Variants in VPS13B observed in about 807,000 individuals in gnomAD.
VPS13B encodes intermembrane lipid transfer protein VPS13B.
VPS13B carries 285 observed loss-of-function variants against 426.4 expected under a neutral mutation model. That is an observed-to-expected ratio of 0.67 (90% CI 0.61 to 0.74). The LOEUF is 0.74. VPS13B is among the 30% of genes least tolerant of loss of function. The pLI is 0.00. For synonymous variants in VPS13B, 1,676 were observed against 1,676.4 expected, an observed-to-expected ratio of 1.00 and a Z score of 0.01; for missense variants, 4,537 against 4,782.6, an observed-to-expected ratio of 0.95 and a Z score of 1.51.
intron 35 of VPS13B, among the ~76,000 whole-genome samples, chr8:99,667,640 G>C (rs774960517): frequency 4.6e-5 from 7 of 152,100 alleles, no homozygotes; most frequent in Non-Finnish European, 7.4e-5. Flanking sequence ...TAAGCAATTT[G>C]TGATTTAGAG....
chr8:99,821,635 C>T (rs1362890769), intron 50 of VPS13B, among the ~76,000 whole-genome samples, 153 bp downstream of exon 50: 1 of 152,126 alleles, frequency 6.6e-6, no homozygotes, highest in African/African-American at 2.4e-5. Flanking sequence ...CTTCTTAGAC[C>T]TCTGTTTTAC....
At chr8:99,312,610 T>G (rs1435586876) in intron 19 of VPS13B, among the ~76,000 whole-genome samples, 4 of 152,182 alleles carry the variant, frequency 2.6e-5, no homozygotes, top group Admixed American at 2.6e-4. Context: ...CATTTTTTCC[T>G]TCATTTCAAC....
In VPS13B at chr8:99,290,128, C is replaced by T. The variant is rs368709781; in HGVS notation, c.2824+14874C>T. 8.2e-4 allele frequency among the ~76,000 whole-genome samples: 125 copies of T among 152,024 alleles called. 1 individual carries two copies. The highest frequency in any genetic ancestry group is 7.5e-3 in the South Asian group (36 of 4,818). ...TGGAACCTTATGATATAAAGATGAA[C>T]GAGACCCTTTTATCTCTTATTAATG... On this transcript the variant is annotated intron_variant, in intron 19 of 61. Transcript: ENST00000357162.
chr8:99,506,586 G>A (rs556130246), intron 27 of VPS13B, among the ~76,000 whole-genome samples: 281 of 152,348 alleles, frequency 1.8e-3, no homozygotes, highest in Middle Eastern at 0.01. Flanking sequence ...AGCCTGGCAT[G>A]GTGGCTCACA....
intron 2 of VPS13B, among the ~76,000 whole-genome samples, chr8:99,023,571 C>T (rs1004385015): frequency 6.6e-6 from 1 of 151,858 alleles, no homozygotes; most frequent in East Asian, 1.9e-4. Context: ...ACCTCTGCCT[C>T]CTGGGTTCAA....
chr8:99,629,181 G>A (rs537586100), intron 33 of VPS13B, among the ~76,000 whole-genome samples: 1 of 152,284 alleles, frequency 6.6e-6, no homozygotes, highest in South Asian at 2.1e-4. Flanking sequence ...TAAATGAGTT[G>A]ATGTACATGG....
intron 3 of VPS13B, among the ~76,000 whole-genome samples, chr8:99,083,394 A>T (rs954316813): frequency 6.6e-6 from 1 of 152,194 alleles, no homozygotes; most frequent in African/African-American, 2.4e-5. Flanking sequence ...CAATCATGTC[A>T]TCTGCAAACA....
chr8:99,325,034 T>G (rs1810168962), intron 19 of VPS13B, among the ~76,000 whole-genome samples: 1 of 152,200 alleles, frequency 6.6e-6, no homozygotes, highest in Non-Finnish European at 1.5e-5. Flanking sequence ...AGCATTATTG[T>G]TCTCAAATGG....
At chr8:99,858,893 G>C (rs1273619495) in intron 56 of VPS13B, among the ~76,000 whole-genome samples, 1 of 152,164 alleles carries the variant, frequency 6.6e-6, no homozygotes, top group Admixed American at 6.5e-5. Flanking sequence ...CCCCTGGCCA[G>C]GCATCTCCTC....
At position 99,828,407 on chromosome 8, in the gene VPS13B, T is replaced by C. The variant is rs1260218852; in HGVS notation, c.9331-3962T>C. 3.8e-5 allele frequency among the ~76,000 whole-genome samples: 2 copies of C among 52,228 alleles called. 1 individual carries two copies. The highest frequency in any genetic ancestry group is 1.5e-4 in the African/African-American group (2 of 13,272). 34.3% of individuals were successfully genotyped at this position (52,228 alleles called of 152,430 possible). On this transcript the variant is annotated intron_variant, in intron 51 of 61. Coordinates refer to ENST00000357162, the MANE Select transcript of VPS13B (RefSeq NM_152564.5). ...ATTACAACCACCGTTTTTTTTTTTTTTTTTTTTTTTTTTTTTTTTTTTTTT... is the reference window on the plus strand; with the variant it reads ...ATTACAACCACCGTTTTTTTTTTTTCTTTTTTTTTTTTTTTTTTTTTTTTT...
intron 17 of VPS13B, among the ~76,000 whole-genome samples, chr8:99,252,806 G>GT (rs976310651): frequency 1.7e-4 from 26 of 151,728 alleles, no homozygotes; most frequent in South Asian, 2.1e-4. Flanking sequence ...AAAATAACCA[G>GT]TTTTTTTAAA....
intron 33 of VPS13B, among the ~76,000 whole-genome samples, chr8:99,592,066 A>G (rs1163400707): frequency 2.0e-5 from 3 of 151,368 alleles, no homozygotes; most frequent in South Asian, 2.1e-4. Flanking sequence ...TTTTTTCTCT[A>G]TCTTCAATCA....
At chr8:99,555,437 A>G (rs534747783) in intron 30 of VPS13B, among the ~76,000 whole-genome samples, 1 of 152,176 alleles carries the variant, frequency 6.6e-6, no homozygotes, top group African/African-American at 2.4e-5. Flanking sequence ...TTTTTTTCTA[A>G]TGTCTGTAAT....
chr8:99,215,189 A>C (rs1354494112), intron 17 of VPS13B, among the ~76,000 whole-genome samples: 19 of 152,182 alleles, frequency 1.2e-4, no homozygotes, highest in Non-Finnish European at 4.4e-5. Context: ...TCAAAATGTA[A>C]ATAGTTTACA....
chr8:99,293,242 C>T (rs62534566), intron 19 of VPS13B, among the ~76,000 whole-genome samples: 6 of 130,154 alleles, frequency 4.6e-5, no homozygotes, highest in Middle Eastern at 6.9e-3. Flanking sequence ...ATGCCGCATA[C>T]CTACAACTAT....
At chr8:99,483,361 G>C (rs1331252778) in intron 25 of VPS13B, among the ~76,000 whole-genome samples, 1 of 152,054 alleles carries the variant, frequency 6.6e-6, no homozygotes, top group Admixed American at 6.6e-5. Context: ...ATCGTTTCTA[G>C]AGTAAAAGCA....
chr8:99,556,690 T>C, intron 31 of VPS13B, 37 bp downstream of exon 31: 1 of 1,598,786 alleles, frequency 6.3e-7, no homozygotes, highest in Admixed American at 1.7e-5. Context: ...CTCTTTCTAA[T>C]ACTTCATTGC....
intron 8 of VPS13B, among the ~76,000 whole-genome samples, chr8:99,123,941 G>C: frequency 6.6e-6 from 1 of 152,120 alleles, no homozygotes; most frequent in Admixed American, 6.5e-5. Flanking sequence ...TGGATATATG[G>C]ATCTAGAATT....
intron 39 of VPS13B, among the ~76,000 whole-genome samples, chr8:99,722,371 A>G (rs1038339939): frequency 3.9e-5 from 6 of 152,136 alleles, no homozygotes; most frequent in Admixed American, 2.0e-4. Flanking sequence ...ATATGTCTTG[A>G]TGATGTATCT....
Sources: allele counts gnomAD v4.1 joint callset (sites outside exome capture counted in the v4.1 genomes callset), GRCh38; gene constraint gnomAD v4.1.1; transcripts MANE v1.5; gene names NCBI Gene and HGNC (gene_info 2026-07-23, HGNC 2026-07-21).